SH3GL2: variants seen among roughly 807,000 people sequenced by gnomAD.
The protein encoded by SH3GL2 is endophilin-A1.
Under a neutral mutation model 46.0 loss-of-function variants are expected in SH3GL2, and 24 were observed. That is an observed-to-expected ratio of 0.52 (90% CI 0.38 to 0.73). SH3GL2 has a LOEUF of 0.73. SH3GL2 is among the 30% of genes least tolerant of loss of function. The probability of loss-of-function intolerance (pLI) is 0.00; values close to 1 mark genes in which losing one functional copy is unlikely to be tolerated. For synonymous variants in SH3GL2, 196 were observed against 147.1 expected, an observed-to-expected ratio of 1.33 and a Z score of -2.40; for missense variants, 413 against 424.2, an observed-to-expected ratio of 0.97 and a Z score of 0.23.
intron 3 of SH3GL2, among the ~76,000 whole-genome samples, chr9:17,767,713 A>G (rs113011845): frequency 6.6e-6 from 1 of 152,228 alleles, no homozygotes; most frequent in Non-Finnish European, 1.5e-5. Flanking sequence ...TCTAGTAGCC[A>G]GAGCTTTTCC....
intron 1 of SH3GL2, chr9:17,591,186 A>G (rs1057166465): frequency 6.6e-6 from 1 of 152,216 alleles, no homozygotes; most frequent in African/African-American, 2.4e-5. Flanking sequence ...CTTAAACAGA[A>G]AGCTTATCAT....
chr9:17,723,614 G>T (rs947627762), intron 1 of SH3GL2, among the ~76,000 whole-genome samples: 1 of 152,116 alleles, frequency 6.6e-6, no homozygotes, highest in African/African-American at 2.4e-5. Context: ...GTCGGTTTCA[G>T]ATAAAGTCTT....
At chr9:17,745,219 C>A (rs1033381686) in intron 1 of SH3GL2, among the ~76,000 whole-genome samples, 1 of 152,084 alleles carries the variant, frequency 6.6e-6, no homozygotes, top group Non-Finnish European at 1.5e-5. Context: ...AATTTAATAA[C>A]CTTTCACTTT....
intron 2 of SH3GL2, among the ~76,000 whole-genome samples, chr9:17,760,913 A>G (rs878962641): frequency 2.0e-5 from 3 of 152,216 alleles, no homozygotes; most frequent in Admixed American, 2.0e-4. Context: ...TTTGGAGGAT[A>G]GACTCTAGCA....
intron 1 of SH3GL2, among the ~76,000 whole-genome samples, chr9:17,708,962 T>C (rs2118255524): frequency 6.6e-6 from 1 of 152,120 alleles, no homozygotes; most frequent in South Asian, 2.1e-4. Flanking sequence ...TCATTCTGAG[T>C]CCTAAGTGAC....
intron 1 of SH3GL2, among the ~76,000 whole-genome samples, chr9:17,645,151 C>CTTTTTTTTTTT (rs57611978): frequency 8.7e-5 from 6 of 68,778 alleles, no homozygotes; most frequent in African/African-American, 3.3e-4. Context: ...GCAAACGCTG[C>CTTTTTTTTTTT]TTTTTTTTTT....
intron 1 of SH3GL2, among the ~76,000 whole-genome samples, chr9:17,581,746 A>G (rs1406671260): frequency 6.6e-6 from 1 of 152,166 alleles, no homozygotes; most frequent in Non-Finnish European, 1.5e-5. Context: ...TCGCCCAGGC[A>G]GGAGTGCAAT....
chr9:17,765,412 A>G (rs904583149), intron 3 of SH3GL2, among the ~76,000 whole-genome samples: 2 of 152,164 alleles, frequency 1.3e-5, no homozygotes, highest in Non-Finnish European at 2.9e-5. Flanking sequence ...CTCAGTTCCT[A>G]TTGAAGTGAT....
chr9:17,591,288 G>A (rs954385278), intron 1 of SH3GL2: 2 of 151,990 alleles, frequency 1.3e-5, no homozygotes, highest in African/African-American at 4.8e-5. Context: ...TTTGTGATAT[G>A]TACTGGCTTG....
chr9:17,680,901 C>G (rs2118041747), intron 1 of SH3GL2, among the ~76,000 whole-genome samples: 1 of 152,240 alleles, frequency 6.6e-6, no homozygotes, highest in African/African-American at 2.4e-5. Flanking sequence ...AGTAGTCATT[C>G]AGGAGCAGGT....
chr9:17,684,279 A>G (rs1223596009), intron 1 of SH3GL2, among the ~76,000 whole-genome samples: 1 of 152,108 alleles, frequency 6.6e-6, no homozygotes, highest in African/African-American at 2.4e-5. Flanking sequence ...CTAGAAATGA[A>G]AAACTTAGTA....
chr9:17,641,853 G>C (rs1343638328), intron 1 of SH3GL2, among the ~76,000 whole-genome samples: 1 of 152,226 alleles, frequency 6.6e-6, no homozygotes, highest in Middle Eastern at 3.4e-3. Flanking sequence ...ATGGGCATTT[G>C]GGTTGGTTCC....
intron 1 of SH3GL2, among the ~76,000 whole-genome samples, chr9:17,611,954 T>C (rs1818876571): frequency 6.6e-6 from 1 of 152,222 alleles, no homozygotes; most frequent in Non-Finnish European, 1.5e-5. Flanking sequence ...AAGCTCTTTT[T>C]GTGTGCATCA....
At chr9:17,747,202 G>C in intron 2 of SH3GL2, 68 bp downstream of exon 2, 1 of 967,848 alleles carries the variant, frequency 1.0e-6, no homozygotes, top group Non-Finnish European at 1.6e-6. Context: ...GAGGAGAAGA[G>C]AAAACGGGAG....
At chr9:17,772,790 T>C (rs544186039) in intron 3 of SH3GL2, among the ~76,000 whole-genome samples, 53 of 152,340 alleles carry the variant, frequency 3.5e-4, no homozygotes, top group African/African-American at 1.3e-3. Context: ...TTGTGAATAA[T>C]GCTTCTATGA....
At chr9:17,603,285 G>T (rs999579959) in intron 1 of SH3GL2, among the ~76,000 whole-genome samples, 9 of 152,362 alleles carry the variant, frequency 5.9e-5, no homozygotes, top group Middle Eastern at 6.8e-3. Flanking sequence ...CCAAGTGTCT[G>T]TGGAGAGATA....
At chr9:17,715,690 C>G (rs1055330977) in intron 1 of SH3GL2, among the ~76,000 whole-genome samples, 1 of 151,916 alleles carries the variant, frequency 6.6e-6, no homozygotes, top group African/African-American at 2.4e-5. Flanking sequence ...ATATAAGCAG[C>G]TGTTCCTCAA....
At chr9:17,711,374 C>CAT (rs767462547) in intron 1 of SH3GL2, among the ~76,000 whole-genome samples, 11 of 151,772 alleles carry the variant, frequency 7.2e-5, no homozygotes, top group Non-Finnish European at 1.2e-4. Flanking sequence ...TAAGTTTTGA[C>CAT]ATATATATAC....
At position 17,795,547 on chromosome 9, in the gene SH3GL2, T is replaced by A; in HGVS notation, c.863T>A (p.Val288Asp). The change falls in exon 9 of 9, where the codon GTC becomes GAC. Residue 288 changes from valine (V) to aspartate (D), a missense_variant. By Grantham distance (152) the Val-to-Asp change is radical. Transcript: ENST00000380607. ...SHTGTPKPSGVQMDQPCCRAL... is the reference protein window; with the variant it reads ...SHTGTPKPSGDQMDQPCCRAL... ...TCTCTCCTGCTCTTACTCCCAGGTG[T>A]CCAAATGGATCAGCCCTGCTGCCGA... 2 of 1,613,454 alleles carry A rather than the reference T, an allele frequency of 1.2e-6. No individual in the cohort carries two copies. Among genetic ancestry groups the A allele is most frequent in the Non-Finnish European group, 1.7e-6 (2 of 1,179,490 alleles).
Sources: allele counts gnomAD v4.1 joint callset (sites outside exome capture counted in the v4.1 genomes callset), GRCh38; gene constraint gnomAD v4.1.1; transcripts MANE v1.5; gene names NCBI Gene and HGNC (gene_info 2026-07-23, HGNC 2026-07-21).